SLC9A6: variants seen among roughly 807,000 people sequenced by gnomAD.
SLC9A6 encodes the protein solute carrier family 9 member A6.
In SLC9A6, 6 loss-of-function variants were observed where a neutral mutation model predicts 45.3. That is an observed-to-expected ratio of 0.13 (90% CI 0.07 to 0.26). SLC9A6 has a LOEUF of 0.26. SLC9A6 is among the 10% of genes least tolerant of loss of function. The probability of loss-of-function intolerance (pLI) is 1.00; values close to 1 mark genes in which losing one functional copy is unlikely to be tolerated. For synonymous variants in SLC9A6, 191 were observed against 187.7 expected (o/e 1.02, Z -0.14); for missense variants, 278 against 503.7 (o/e 0.55, Z 4.29).
rs184196911 is a variant in SLC9A6 at position 135,989,931 on chromosome X, C to T, written c.169+4104C>T. ...TTTTGTTTTTGTTTTTGTTTTGAGA[C>T]GCGTTAGGACCTCTCTGTTTTGTGA... On this transcript the variant is annotated intron_variant, in intron 2 of 17. Coordinates refer to ENST00000630721, the MANE Select transcript of SLC9A6 (RefSeq NM_001379110.1). 4.7e-3 allele frequency among the ~76,000 whole-genome samples: 515 copies of T among 109,982 alleles called. 1 individual carries two copies. The highest frequency in any genetic ancestry group is 0.014 in the Middle Eastern group (3 of 211).
At chrX:136,006,498 GTTATTTTATT>G (rs1460240752) in intron 7 of SLC9A6, among the ~76,000 whole-genome samples, 1 of 100,752 alleles carries the variant, frequency 9.9e-6, no homozygotes, top group Non-Finnish European at 2.0e-5. Flanking sequence ...TGGAGTAGCA[GTTATTTTATT>G]TTATTTTATT....
chrX:135,992,911 C>G (rs1556615937), intron 2 of SLC9A6, among the ~76,000 whole-genome samples: 1 of 111,648 alleles, frequency 9.0e-6, no homozygotes, highest in African/African-American at 3.3e-5. Flanking sequence ...TCTCTGAACC[C>G]TGGAGGCCTA....
At chrX:135,996,924 G>A (rs553987718) in intron 3 of SLC9A6, among the ~76,000 whole-genome samples, 94 of 108,061 alleles carry the variant, frequency 8.7e-4, no homozygotes, top group South Asian at 6.1e-3. Context: ...CCGCCACCAC[G>A]CCCGGCTAAT....
intron 7 of SLC9A6, among the ~76,000 whole-genome samples, chrX:136,003,285 G>A (rs1183591090): frequency 2.7e-5 from 3 of 112,339 alleles, no homozygotes; most frequent in African/African-American, 6.5e-5. Flanking sequence ...CACCACGCCC[G>A]GCCTAGATAA....
chrX:136,016,798 A>T (rs782808327), intron 11 of SLC9A6, 40 bp downstream of exon 11: 1 of 785,888 alleles, frequency 1.3e-6, no homozygotes, highest in Admixed American at 2.4e-5. Context: ...AATATTTTTA[A>T]TTGAGATTTT....
intron 6 of SLC9A6, among the ~76,000 whole-genome samples, chrX:135,999,529 A>T (rs782253179): frequency 7.1e-5 from 8 of 112,241 alleles, no homozygotes; most frequent in Non-Finnish European, 1.5e-4. Flanking sequence ...CTTTATGATT[A>T]TACAGTTGTT....
intron 1 of SLC9A6, chrX:135,975,241 G>A (rs2089255167): frequency 8.9e-6 from 1 of 112,454 alleles, no homozygotes; most frequent in Non-Finnish European, 1.9e-5. Flanking sequence ...TTCTGCACCA[G>A]TTCCTCCAGT....
intron 7 of SLC9A6, among the ~76,000 whole-genome samples, chrX:136,009,166 G>C (rs1239376364): frequency 1.8e-5 from 2 of 111,327 alleles, no homozygotes; most frequent in Non-Finnish European, 3.8e-5. Flanking sequence ...TATATATGTA[G>C]GTAAGGTAGC....
At chrX:136,037,801 A>C (rs2071437106) in intron 16 of SLC9A6, among the ~76,000 whole-genome samples, 1 of 111,438 alleles carries the variant, frequency 9.0e-6, no homozygotes, top group Non-Finnish European at 1.9e-5. Flanking sequence ...CGATCTCCTG[A>C]CCTTGTGATC....
At chrX:135,998,248 T>A (rs1487145108) in intron 4 of SLC9A6, 63 bp downstream of exon 4, 9 of 723,597 alleles carry the variant, frequency 1.2e-5, no homozygotes, top group Non-Finnish European at 8.8e-6. Context: ...TTGTAATATT[T>A]GACACTTCAG....
chrX:136,021,821 C>G (rs1178137022), intron 11 of SLC9A6, among the ~76,000 whole-genome samples: 1 of 112,299 alleles, frequency 8.9e-6, no homozygotes, highest in Non-Finnish European at 1.9e-5. Context: ...GCCACCATGT[C>G]TGGCCTTGTT....
chrX:136,030,265 C>T (rs2071297169), intron 15 of SLC9A6, 103 bp downstream of exon 15: 1 of 809,583 alleles, frequency 1.2e-6, no homozygotes, highest in Non-Finnish European at 1.9e-6. Context: ...TAGATCCTGT[C>T]CTCTTTGCCT....
chrX:135,979,002 A>G (rs969848950), intron 1 of SLC9A6, among the ~76,000 whole-genome samples: 1 of 110,147 alleles, frequency 9.1e-6, no homozygotes, highest in Non-Finnish European at 1.9e-5. Context: ...GTTTTCTTAT[A>G]CATTATTGCA....
At chrX:135,994,146 C>G (rs782284497) in intron 2 of SLC9A6, among the ~76,000 whole-genome samples, 7 of 107,572 alleles carry the variant, frequency 6.5e-5, no homozygotes, top group Non-Finnish European at 1.2e-4. Flanking sequence ...ACTTTGTTGC[C>G]CAGGCTGGAG....
At chrX:136,008,574 A>C (rs1319095909) in intron 7 of SLC9A6, among the ~76,000 whole-genome samples, 1 of 112,264 alleles carries the variant, frequency 8.9e-6, no homozygotes, top group Non-Finnish European at 1.9e-5. Flanking sequence ...ATTGTCAGTT[A>C]AAAAAGCATA....
chrX:136,031,556 T>A (rs1330881048), intron 15 of SLC9A6, among the ~76,000 whole-genome samples: 1 of 111,415 alleles, frequency 9.0e-6, no homozygotes, highest in Non-Finnish European at 1.9e-5. Context: ...AGAAATTAGC[T>A]GGGCGTGGTG....
intron 1 of SLC9A6, among the ~76,000 whole-genome samples, chrX:135,976,775 A>G (rs186356698): frequency 8.6e-4 from 96 of 111,969 alleles, no homozygotes; most frequent in Non-Finnish European, 1.6e-3. Context: ...TAAACCACCA[A>G]TGCATTATCC....
At chrX:135,998,617 T>C in intron 5 of SLC9A6, 59 bp downstream of exon 5, 1 of 868,774 alleles carries the variant, frequency 1.2e-6, no homozygotes, top group African/African-American at 2.0e-5. Context: ...TAAAATAATA[T>C]ATTTTTGATT....
At chrX:136,022,245 A>C (rs898157890) in intron 11 of SLC9A6, among the ~76,000 whole-genome samples, 3 of 112,418 alleles carry the variant, frequency 2.7e-5, no homozygotes, top group African/African-American at 9.7e-5. Context: ...TGTTTCTCTT[A>C]ATCTAGTAAA....
Sources: allele counts gnomAD v4.1 joint callset (sites outside exome capture counted in the v4.1 genomes callset), GRCh38; gene constraint gnomAD v4.1.1; transcripts MANE v1.5; gene names NCBI Gene and HGNC (gene_info 2026-07-23, HGNC 2026-07-21).